The following TMEFF2 variants were observed in gnomAD, a reference collection of about 807,000 sequenced individuals.
TMEFF2 encodes transmembrane protein with EGF like and two follistatin like domains 2.
In TMEFF2, 28 loss-of-function variants were observed where a neutral mutation model predicts 53.8. The ratio of observed to expected loss-of-function variants is 0.52; its 90% CI spans 0.39 to 0.71. The LOEUF is 0.71. TMEFF2 is among the 30% of genes least tolerant of loss of function. TMEFF2 has a pLI of 0.00. For synonymous variants in TMEFF2, 162 were observed against 166.3 expected (o/e 0.97, Z 0.20); for missense variants, 353 against 455.2 (o/e 0.78, Z 2.04).
intron 5 of TMEFF2, chr2:192,031,295 A>T (rs1047019351): frequency 6.6e-6 from 1 of 152,194 alleles, no homozygotes; most frequent in Admixed American, 6.5e-5. Flanking sequence ...GGTAAGCTCA[A>T]TAATGGAACT....
At chr2:192,122,465 T>C (rs1689579104) in intron 4 of TMEFF2, among the ~76,000 whole-genome samples, 1 of 152,214 alleles carries the variant, frequency 6.6e-6, no homozygotes, top group African/African-American at 2.4e-5. Flanking sequence ...GTTTTTCTTT[T>C]CTTAAGAATG....
At chr2:192,190,294 A>T (rs1424338314) in intron 2 of TMEFF2, among the ~76,000 whole-genome samples, 1 of 151,794 alleles carries the variant, frequency 6.6e-6, no homozygotes. Context: ...ACTTTTTATG[A>T]GTTCATTGCT....
intron 4 of TMEFF2, among the ~76,000 whole-genome samples, chr2:192,077,578 T>G (rs1415160346): frequency 6.6e-6 from 1 of 152,112 alleles, no homozygotes; most frequent in Non-Finnish European, 1.5e-5. Flanking sequence ...CTGGATGGCT[T>G]ATTAACCTTC....
intron 4 of TMEFF2, among the ~76,000 whole-genome samples, chr2:192,152,037 TA>T (rs1419950056): frequency 6.6e-6 from 1 of 151,768 alleles, no homozygotes; most frequent in Non-Finnish European, 1.5e-5. Context: ...TGAGGTCCCA[TA>T]ACAGCAATTA....
chr2:192,143,218 A>G (rs1157937770), intron 4 of TMEFF2, among the ~76,000 whole-genome samples: 1 of 151,976 alleles, frequency 6.6e-6, no homozygotes, highest in Non-Finnish European at 1.5e-5. Context: ...TATTTGCCTG[A>G]TCTATTTATC....
At chr2:192,010,522 C>CGT (rs1686602317) in intron 5 of TMEFF2, among the ~76,000 whole-genome samples, 1 of 151,596 alleles carries the variant, frequency 6.6e-6, no homozygotes, top group East Asian at 1.9e-4. Context: ...ATTACTGCCA[C>CGT]TTTTTTTTCC....
intron 4 of TMEFF2, among the ~76,000 whole-genome samples, chr2:192,165,428 A>G (rs1010175110): frequency 2.6e-5 from 4 of 152,158 alleles, no homozygotes; most frequent in Non-Finnish European, 5.9e-5. Flanking sequence ...CCTGACACAT[A>G]GTACGTACTC....
chr2:191,966,659 C>A (rs1197304649), intron 7 of TMEFF2, among the ~76,000 whole-genome samples: 3 of 152,044 alleles, frequency 2.0e-5, no homozygotes, highest in Non-Finnish European at 4.4e-5. Flanking sequence ...AAAAAACAGG[C>A]AAATGAATTT....
chr2:192,183,301 T>C (rs1463398454), intron 3 of TMEFF2, among the ~76,000 whole-genome samples: 1 of 152,028 alleles, frequency 6.6e-6, no homozygotes, highest in African/African-American at 2.4e-5. Flanking sequence ...TAAGATAATC[T>C]TTTAAAGAAT....
intron 1 of TMEFF2, among the ~76,000 whole-genome samples, chr2:192,192,460 A>G (rs779950174): frequency 6.6e-6 from 1 of 152,212 alleles, no homozygotes; most frequent in Non-Finnish European, 1.5e-5. Flanking sequence ...TTTGAAATGT[A>G]TCCAGACAAA....
chr2:192,187,774 G>A (rs1323442862), intron 2 of TMEFF2, among the ~76,000 whole-genome samples: 2 of 152,170 alleles, frequency 1.3e-5, no homozygotes, highest in East Asian at 3.8e-4. Flanking sequence ...GTTCCAAAAT[G>A]GGCTACCCAC....
chr2:191,972,966 A>G (rs1692691574), intron 7 of TMEFF2, among the ~76,000 whole-genome samples: 1 of 152,228 alleles, frequency 6.6e-6, no homozygotes, highest in Non-Finnish European at 1.5e-5. Flanking sequence ...GCTACTAAAT[A>G]ATAGTAAGAT....
At chr2:192,169,566 G>C (rs1210741390) in intron 4 of TMEFF2, among the ~76,000 whole-genome samples, 1 of 152,064 alleles carries the variant, frequency 6.6e-6, no homozygotes, top group South Asian at 2.1e-4. Flanking sequence ...TATATACTTA[G>C]ATAAGTATTC....
rs889864721 is a variant in TMEFF2, at chr2:191,950,047, A to G, written c.*264T>C. On this transcript the variant is annotated 3_prime_UTR_variant, in exon 10 of 10. Coordinates refer to ENST00000272771, the MANE Select transcript of TMEFF2 (RefSeq NM_016192.4). The stretch of plus-strand genomic sequence containing the variant: ...TCTCATCACTGAGTATTTATTATAT[A>G]TAACAAATACATGGGAAAGAAAAAA... The G allele has an allele frequency of 8.5e-6, 10 of 1,173,430 alleles. No individual in the cohort carries two copies. Among genetic ancestry groups the G allele is most frequent in the South Asian group, 4.8e-5 (2 of 41,984 alleles). 72.7% of individuals were successfully genotyped at this position (1,173,430 alleles called of 1,614,324 possible).
chr2:192,023,455 G>T (rs1298322297), intron 5 of TMEFF2, among the ~76,000 whole-genome samples: 1 of 152,128 alleles, frequency 6.6e-6, no homozygotes, highest in Non-Finnish European at 1.5e-5. Context: ...AAACAGAAAG[G>T]TGATGACAGT....
At chr2:192,172,857 C>T (rs1048220935) in intron 4 of TMEFF2, among the ~76,000 whole-genome samples, 1 of 151,874 alleles carries the variant, frequency 6.6e-6, no homozygotes, top group Non-Finnish European at 1.5e-5. Context: ...CAAAGAAGTA[C>T]AAGAGGTAGG....
chr2:192,097,133 TTA>T (rs1232310902), intron 4 of TMEFF2, among the ~76,000 whole-genome samples: 4 of 152,244 alleles, frequency 2.6e-5, no homozygotes, highest in African/African-American at 9.6e-5. Context: ...TTGGCTTCAC[TTA>T]TAAGTATTTA....
intron 4 of TMEFF2, among the ~76,000 whole-genome samples, chr2:192,097,611 C>A (rs991845893): frequency 6.6e-6 from 1 of 152,164 alleles, no homozygotes; most frequent in African/African-American, 2.4e-5. Flanking sequence ...TTACAATTTT[C>A]AATTCATTCT....
chr2:192,022,704 A>T (rs534614768), intron 5 of TMEFF2, among the ~76,000 whole-genome samples: 1 of 151,908 alleles, frequency 6.6e-6, no homozygotes, highest in East Asian at 1.9e-4. Flanking sequence ...TTTGCCTGAG[A>T]TTTTTTCTTT....
Sources: allele counts gnomAD v4.1 joint callset (sites outside exome capture counted in the v4.1 genomes callset), GRCh38; gene constraint gnomAD v4.1.1; transcripts MANE v1.5; gene names NCBI Gene and HGNC (gene_info 2026-07-23, HGNC 2026-07-21).